Variants in PDIA5 observed in about 807,000 individuals in gnomAD.
The protein encoded by PDIA5 is protein disulfide isomerase family A member 5.
In PDIA5, 58 loss-of-function variants were observed where a neutral mutation model predicts 77.6. The observed-to-expected ratio is 0.75, with a 90% CI of 0.61 to 0.93. PDIA5 has a LOEUF of 0.93. PDIA5 is among the 40% of genes least tolerant of loss of function. The pLI is 0.00. For synonymous variants in PDIA5, 250 were observed against 252.1 expected, an observed-to-expected ratio of 0.99 and a Z score of 0.08; for missense variants, 630 against 647.7, an observed-to-expected ratio of 0.97 and a Z score of 0.30.
chr3:123,119,441 T>C (rs1210611451), intron 8 of PDIA5, among the ~76,000 whole-genome samples: 5 of 152,146 alleles, frequency 3.3e-5, no homozygotes, highest in Non-Finnish European at 7.3e-5. Context: ...CTCATTTCTT[T>C]GTTTGTATAT....
intron 15 of PDIA5, 53 bp downstream of exon 15, chr3:123,155,094 T>G: frequency 8.2e-7 from 1 of 1,224,702 alleles, no homozygotes; most frequent in Non-Finnish European, 1.2e-6. Context: ...TTCCTACACC[T>G]TCCTTCTTGT....
chr3:123,089,342 G>C, intron 2 of PDIA5, 48 bp downstream of exon 2: 1 of 1,594,472 alleles, frequency 6.3e-7, no homozygotes, highest in Non-Finnish European at 8.6e-7. Context: ...GGTAGGATGG[G>C]ATTCAGGGGA....
chr3:123,104,465 C>T (rs1051238201), intron 5 of PDIA5, among the ~76,000 whole-genome samples: 3 of 152,194 alleles, frequency 2.0e-5, no homozygotes, highest in African/African-American at 4.8e-5. Flanking sequence ...GAGGACCCCC[C>T]GACAGGAGGG....
intron 1 of PDIA5, among the ~76,000 whole-genome samples, chr3:123,088,096 C>T (rs1305810218): frequency 2.6e-5 from 4 of 152,278 alleles, no homozygotes; most frequent in South Asian, 4.2e-4. Context: ...CACCCTCTGC[C>T]GGGTTATCTC....
In PDIA5 at chr3:123,108,637, C is replaced by T. The variant is rs567542071; in HGVS notation, c.480+1796C>T. Among the ~76,000 whole-genome samples the T allele has an allele frequency of 6.0e-5, 9 of 149,356 alleles. No homozygotes were observed. In the South Asian group the frequency reaches 1.3e-3, roughly 22 times the overall value. ...CGGCACTGGCTCACGCCTGTAATCC[C>T]AGCACTTTGGGAGGCCGAGGCGGGT... On this transcript the variant is annotated intron_variant, in intron 6 of 16. Coordinates refer to ENST00000316218, the MANE Select transcript of PDIA5 (RefSeq NM_006810.4).
intron 10 of PDIA5, among the ~76,000 whole-genome samples, chr3:123,128,178 C>T (rs899907977): frequency 6.6e-6 from 1 of 152,264 alleles, no homozygotes; most frequent in Non-Finnish European, 1.5e-5. Flanking sequence ...TTTTCAGCCA[C>T]AGGCTATAGC....
chr3:123,103,268 G>C (rs1934648123), intron 5 of PDIA5, among the ~76,000 whole-genome samples: 2 of 152,202 alleles, frequency 1.3e-5, no homozygotes, highest in South Asian at 4.1e-4. Context: ...TTTAGAAGTA[G>C]ATGGAAAAGC....
At chr3:123,141,126 A>T (rs836868) in intron 11 of PDIA5, among the ~76,000 whole-genome samples, 105,176 of 152,122 alleles carry the variant, frequency 0.69, 38,142 homozygotes, top group African/African-American at 0.92. Context: ...CCACATCAAC[A>T]GGGTCACTTT....
intron 8 of PDIA5, among the ~76,000 whole-genome samples, chr3:123,120,451 C>T (rs936778352): frequency 6.6e-6 from 1 of 152,196 alleles, no homozygotes; most frequent in Non-Finnish European, 1.5e-5. Context: ...ATGACTGATC[C>T]CCTCTCTTCC....
chr3:123,142,266 C>A (rs528874831), intron 11 of PDIA5, among the ~76,000 whole-genome samples: 1 of 152,228 alleles, frequency 6.6e-6, no homozygotes, highest in Non-Finnish European at 1.5e-5. Flanking sequence ...AATAGCACTG[C>A]GTGCTTTTAT....
At position 123,124,110 on chromosome 3, in the gene PDIA5, CAAG is replaced by C; in HGVS notation, c.655_657del (p.Lys219del). On this transcript the variant is annotated inframe_deletion, in exon 9 of 17. Coordinates refer to ENST00000316218, the MANE Select transcript of PDIA5 (RefSeq NM_006810.4). The stretch of plus-strand genomic sequence containing the variant: ...TCTACTCCTCTGAATTTGAAAACAT[CAAG>C]GAGGAGTACAGCGTGCGCGGCTTCC... The C allele has an allele frequency of 6.2e-7, 1 of 1,614,050 alleles. No individual in the cohort carries two copies. Among genetic ancestry groups the C allele is most frequent in the Non-Finnish European group, 8.5e-7 (1 of 1,179,938 alleles).
At chr3:123,132,781 A>G (rs1935400739) in intron 11 of PDIA5, among the ~76,000 whole-genome samples, 1 of 152,228 alleles carries the variant, frequency 6.6e-6, no homozygotes, top group Non-Finnish European at 1.5e-5. Context: ...CAGCCGTGAC[A>G]GCAGATACTG....
chr3:123,079,175 C>CTTTTTTT (rs35252405), intron 1 of PDIA5, among the ~76,000 whole-genome samples: 57 of 94,064 alleles, frequency 6.1e-4, no homozygotes, highest in Non-Finnish European at 7.3e-4. Flanking sequence ...ATTTTGAATT[C>CTTTTTTT]TTTTTTTTTT....
intron 3 of PDIA5, among the ~76,000 whole-genome samples, chr3:123,101,906 CTTT>C (rs71623603): frequency 2.8e-5 from 2 of 71,396 alleles, no homozygotes; most frequent in Admixed American, 2.6e-4. Flanking sequence ...TTCTTTCTTG[CTTT>C]TTTTTTTTTT....
chr3:123,151,807 T>TCCTGCCTGCCTG (rs1159882690), intron 14 of PDIA5, among the ~76,000 whole-genome samples: 2 of 119,158 alleles, frequency 1.7e-5, no homozygotes, highest in South Asian at 6.1e-4. Context: ...CTGCCTGCCT[T>TCCTGCCTGCCTG]CCTGCCTGCC....
intron 1 of PDIA5, among the ~76,000 whole-genome samples, chr3:123,075,016 T>C (rs1344149230): frequency 2.0e-5 from 3 of 152,254 alleles, no homozygotes; most frequent in Non-Finnish European, 4.4e-5. Context: ...ATGCAAATTA[T>C]TTCTGTTTGG....
At chr3:123,151,902 T>G (rs1460193268) in intron 14 of PDIA5, among the ~76,000 whole-genome samples, 1 of 148,206 alleles carries the variant, frequency 6.7e-6, no homozygotes, top group Non-Finnish European at 1.5e-5. Flanking sequence ...CCTTCCTGCC[T>G]GCCTTCCTTC....
At chr3:123,138,356 G>A (rs768216672) in intron 11 of PDIA5, among the ~76,000 whole-genome samples, 6 of 151,582 alleles carry the variant, frequency 4.0e-5, no homozygotes, top group Non-Finnish European at 2.9e-5. Context: ...TTTTTTGTAC[G>A]TGCTTTTTGT....
intron 15 of PDIA5, among the ~76,000 whole-genome samples, chr3:123,155,769 A>C (rs1161896175): frequency 1.3e-5 from 2 of 152,162 alleles, no homozygotes; most frequent in Non-Finnish European, 2.9e-5. Context: ...CAGGCCCTAG[A>C]AGCTGGCAGT....
Sources: gnomAD v4.1 joint callset for allele counts (sites outside exome capture counted in the v4.1 genomes callset) on GRCh38, gnomAD v4.1.1 for gene constraint, MANE v1.5 for transcripts, NCBI Gene and HGNC (gene_info 2026-07-23, HGNC 2026-07-21) for gene names.